INPP5A: variants seen among roughly 807,000 people sequenced by gnomAD.
The protein encoded by INPP5A is 43 kDa inositol polyphosphate 5-phophatase.
In INPP5A, 14 loss-of-function variants were observed where a neutral mutation model predicts 65.2. The ratio of observed to expected loss-of-function variants is 0.21; its 90% CI spans 0.14 to 0.34. The LOEUF is 0.34. Among genes scored for constraint, INPP5A ranks in the 10% least tolerant of loss-of-function variants. The pLI, the probability that INPP5A is intolerant of heterozygous loss-of-function variation, is 1.00. For synonymous variants in INPP5A, 207 were observed against 208.3 expected (o/e 0.99, Z 0.05); for missense variants, 431 against 545.6 (o/e 0.79, Z 2.09).
chr10:132,652,580 G>A (rs1268282116), intron 4 of INPP5A, among the ~76,000 whole-genome samples: 1 of 152,258 alleles, frequency 6.6e-6, no homozygotes, highest in South Asian at 2.1e-4. Flanking sequence ...GTGGGGCTCT[G>A]CTCCCCGTCT....
At chr10:132,560,457 G>A (rs561618540) in intron 1 of INPP5A, among the ~76,000 whole-genome samples, 25 of 152,244 alleles carry the variant, frequency 1.6e-4, no homozygotes, top group African/African-American at 3.6e-4. Flanking sequence ...TACTGTAACC[G>A]TCCTGGTGGG....
intron 8 of INPP5A, among the ~76,000 whole-genome samples, chr10:132,718,957 A>G (rs372118336): frequency 0.016 from 2,286 of 145,522 alleles, 36 homozygotes; most frequent in South Asian, 0.033. Flanking sequence ...TGGGCGCCTT[A>G]GACGACTGTC....
chr10:132,717,311 C>T (rs1272979629), intron 8 of INPP5A, among the ~76,000 whole-genome samples: 5 of 151,712 alleles, frequency 3.3e-5, no homozygotes, highest in African/African-American at 1.2e-4. Context: ...GGCTGGGACT[C>T]ACTGGGTGGG....
At chr10:132,654,157 G>A (rs940936168) in intron 4 of INPP5A, among the ~76,000 whole-genome samples, 7 of 152,254 alleles carry the variant, frequency 4.6e-5, no homozygotes, top group Non-Finnish European at 8.8e-5. Context: ...AGTGAGAGTG[G>A]GTCTCAGGCC....
intron 4 of INPP5A, among the ~76,000 whole-genome samples, chr10:132,687,186 C>A (rs1259351879): frequency 6.6e-6 from 1 of 152,228 alleles, no homozygotes; most frequent in Non-Finnish European, 1.5e-5. Context: ...CTCGAGTGAT[C>A]CGCTGCCTCG....
chr10:132,628,869 G>T (rs989885796), intron 2 of INPP5A, among the ~76,000 whole-genome samples: 6 of 152,080 alleles, frequency 3.9e-5, no homozygotes, highest in African/African-American at 1.2e-4. Flanking sequence ...AAAGCAAAAA[G>T]AAATAGGTGA....
intron 9 of INPP5A, among the ~76,000 whole-genome samples, chr10:132,729,021 G>A (rs1015632064): frequency 7.6e-5 from 11 of 145,178 alleles, no homozygotes; most frequent in East Asian, 5.8e-4. Flanking sequence ...CTCAGCAGGC[G>A]TGGGGGGCCT....
rs533792499 is a variant in INPP5A at position 132,762,937 on chromosome 10, C to A, written c.904-2836C>A. 6.6e-6 allele frequency among the ~76,000 whole-genome samples: 1 copy of A among 152,074 alleles called. No individual in the cohort carries two copies. Among genetic ancestry groups the A allele is most frequent in the African/African-American group, 2.4e-5 (1 of 41,384 alleles). On this transcript the variant is annotated intron_variant, in intron 11 of 15. Transcript: ENST00000368594. This position sits in a 1 kb window ranked among gnomAD's most constrained non-coding sequence, Gnocchi z 4.6. ...CCAGGAGGCAGAGGTTGCAGTGAGCCGAGATCACATCACTGCACTCCAGCC... is the reference window on the plus strand; with the variant it reads ...CCAGGAGGCAGAGGTTGCAGTGAGCAGAGATCACATCACTGCACTCCAGCC...
In INPP5A at chr10:132,749,519, G is replaced by T; in HGVS notation, c.735G>T (p.Thr245=). 1 of 1,612,770 alleles carries T rather than the reference G, an allele frequency of 6.2e-7. No individual in the cohort carries two copies. Among genetic ancestry groups the T allele is most frequent in the Non-Finnish European group, 8.5e-7 (1 of 1,179,882 alleles). The part of the protein sequence containing the change: ...FRLDSKSVVE[T]LCTKATMQTV... ...TCTCCGTTGCTGTCTTTCTGCAGACGCTCTGCACAAAAGCCACCATGCAGA... is the reference window on the plus strand; with the variant it reads ...TCTCCGTTGCTGTCTTTCTGCAGACTCTCTGCACAAAAGCCACCATGCAGA... The change falls in exon 10 of 16, where the codon ACG becomes ACT. Residue 245 remains threonine (T), a splice_region_variant and synonymous_variant. Transcript: ENST00000368594.
At chr10:132,548,233 A>C (rs1037988169) in intron 1 of INPP5A, among the ~76,000 whole-genome samples, 2 of 152,114 alleles carry the variant, frequency 1.3e-5, no homozygotes, top group African/African-American at 2.4e-5. Flanking sequence ...GGGTGGGGCC[A>C]ATGCAGCTGG....
Position 132,663,510 on chromosome 10 carries a change from T to C in INPP5A, c.306+13005T>C, listed in dbSNP as rs1312130838. The stretch of plus-strand genomic sequence containing the variant: ...TGCTGGGATTACAGGTGCGAACCAC[T>C]GTGCCCTGCCAAAAAGACATTTTTA... On this transcript the variant is annotated intron_variant, in intron 4 of 15. Coordinates refer to ENST00000368594, the MANE Select transcript of INPP5A (RefSeq NM_005539.5). This position sits in a 1 kb window ranked among gnomAD's most constrained non-coding sequence, Gnocchi z 4.5. Among the ~76,000 whole-genome samples, 1 of 152,250 alleles carries C rather than the reference T, an allele frequency of 6.6e-6. No homozygotes were observed. Among genetic ancestry groups the C allele is most frequent in the Non-Finnish European group, 1.5e-5 (1 of 68,032 alleles).
In INPP5A at chr10:132,777,880, C is replaced by T. The variant is rs1362305441; in HGVS notation, c.1089+98C>T. On this transcript the variant is annotated intron_variant, in intron 13 of 15. Coordinates refer to ENST00000368594, the MANE Select transcript of INPP5A (RefSeq NM_005539.5). Reference sequence around the variant, plus strand: ...TGACAGGGCCCCAGGGGTGGGGGCACCCAGTCTGGGGAATGCTGCCAGGTT... The same window carrying T: ...TGACAGGGCCCCAGGGGTGGGGGCATCCAGTCTGGGGAATGCTGCCAGGTT... 9 of 1,543,640 alleles carry T rather than the reference C, an allele frequency of 5.8e-6. No homozygotes were observed. In the South Asian group the frequency reaches 9.5e-5, roughly 16 times the overall value.
At chr10:132,554,594 G>A (rs530210660) in intron 1 of INPP5A, among the ~76,000 whole-genome samples, 165 of 151,570 alleles carry the variant, frequency 1.1e-3, no homozygotes, top group African/African-American at 3.8e-3. Flanking sequence ...GGTGGCATGG[G>A]TAGCATGGTC....
At chr10:132,557,723 G>A (rs1373159950) in intron 1 of INPP5A, among the ~76,000 whole-genome samples, 3 of 152,176 alleles carry the variant, frequency 2.0e-5, no homozygotes, top group South Asian at 2.1e-4. Context: ...AAAGGGGCCC[G>A]AGTGTCTCGG....
intron 1 of INPP5A, among the ~76,000 whole-genome samples, chr10:132,560,000 C>G (rs886275859): frequency 6.6e-6 from 1 of 152,198 alleles, no homozygotes; most frequent in Non-Finnish European, 1.5e-5. Context: ...GTGTCTCCAG[C>G]TCTCTTGGGT....
At chr10:132,634,446 T>C (rs1370065282) in intron 2 of INPP5A, among the ~76,000 whole-genome samples, 4 of 152,216 alleles carry the variant, frequency 2.6e-5, no homozygotes, top group Admixed American at 2.6e-4. Flanking sequence ...CCTTGGTGAG[T>C]GTGCCACGGA....
intron 1 of INPP5A, among the ~76,000 whole-genome samples, chr10:132,564,149 C>T (rs2071242145): frequency 6.6e-6 from 1 of 152,134 alleles, no homozygotes; most frequent in African/African-American, 2.4e-5. Context: ...TTGTCCTGCT[C>T]GTTGCTGTCA....
At chr10:132,743,433 G>A (rs550381878) in intron 9 of INPP5A, among the ~76,000 whole-genome samples, 20 of 149,402 alleles carry the variant, frequency 1.3e-4, no homozygotes, top group Admixed American at 1.3e-3. Context: ...ACCCACCAGC[G>A]CTGCACTCAG....
rs372646744 is a variant in INPP5A at position 132,551,095 on chromosome 10, A to T, written c.75+12924A>T. Among the ~76,000 whole-genome samples the T allele has an allele frequency of 1.2e-3, 186 of 152,320 alleles. 1 individual carries two copies. Among genetic ancestry groups the T allele is most frequent in the African/African-American group, 4.1e-3 (172 of 41,584 alleles). On this transcript the variant is annotated intron_variant, in intron 1 of 15. Transcript: ENST00000368594. The surrounding 1 kb of genome is among the most constrained non-coding windows in gnomAD (Gnocchi z 5.3). Reference sequence around the variant, plus strand: ...CCTGCCTGAGCCCACTGAGCAGATGATGGGGATGAGGCCCAGAGTGCGAGC... The same window carrying T: ...CCTGCCTGAGCCCACTGAGCAGATGTTGGGGATGAGGCCCAGAGTGCGAGC...
Sources: allele counts gnomAD v4.1 joint callset (sites outside exome capture counted in the v4.1 genomes callset), GRCh38; gene constraint gnomAD v4.1.1; non-coding constraint Gnocchi (gnomAD v3.1); transcripts MANE v1.5; gene names NCBI Gene and HGNC (gene_info 2026-07-23, HGNC 2026-07-21).